THRAP3: variants seen among roughly 807,000 people sequenced by gnomAD.
THRAP3 encodes thyroid hormone receptor-associated protein 3.
A neutral mutation model predicts 101.0 loss-of-function variants in THRAP3; 16 were observed. The observed-to-expected ratio is 0.16, with a 90% CI of 0.11 to 0.24. THRAP3 has a LOEUF of 0.24. THRAP3 is among the 10% of genes least tolerant of loss of function. The probability of loss-of-function intolerance (pLI) is 1.00; values close to 1 mark genes in which losing one functional copy is unlikely to be tolerated. For missense variants in THRAP3, 989 were observed against 1,202.7 expected (o/e 0.82, Z 2.63); for synonymous variants, 407 against 422.6 (o/e 0.96, Z 0.45).
In THRAP3 at chr1:36,282,554, C is replaced by A; in HGVS notation, c.-10C>A. ...TTAGGTGTAATTGAAAAGTGATCCT[C>A]TCTTCAGAGATGTCAAAAACAAACA... On this transcript the variant is annotated 5_prime_UTR_variant, in exon 3 of 12. Coordinates refer to ENST00000354618, the MANE Select transcript of THRAP3 (RefSeq NM_005119.4). 6.2e-7 allele frequency: 1 copy of A among 1,613,230 alleles called. No homozygotes were observed. Among genetic ancestry groups the A allele is most frequent in the Non-Finnish European group, 8.5e-7 (1 of 1,179,536 alleles).
intron 2 of THRAP3, among the ~76,000 whole-genome samples, chr1:36,262,741 C>T (rs971828372): frequency 6.6e-6 from 1 of 151,258 alleles, no homozygotes; most frequent in African/African-American, 2.4e-5. Flanking sequence ...AGTGTTTAGC[C>T]CAAGGCTTTA....
chr1:36,268,342 G>A (rs1259742396), intron 2 of THRAP3, among the ~76,000 whole-genome samples: 2 of 151,990 alleles, frequency 1.3e-5, no homozygotes, highest in South Asian at 4.1e-4. Context: ...ACTAGAAAAG[G>A]AAGAACAGAG....
At chr1:36,262,444 T>C (rs545565881) in intron 2 of THRAP3, among the ~76,000 whole-genome samples, 18 of 152,210 alleles carry the variant, frequency 1.2e-4, no homozygotes, top group Non-Finnish European at 2.6e-4. Context: ...ACACACGTTT[T>C]TTTCCTCCTC....
In THRAP3 at chr1:36,282,631, G is replaced by A. The variant is rs148045717; in HGVS notation, c.68G>A (p.Arg23His). The change falls in exon 3 of 12, where the codon CGT (arginine) becomes CAT (histidine). Residue 23 changes from arginine to histidine, a missense_variant. Physicochemically the swap from Arg to His is conservative, Grantham distance 29. Coordinates refer to ENST00000354618, the MANE Select transcript of THRAP3 (RefSeq NM_005119.4). The stretch of plus-strand genomic sequence containing the variant: ...CGCTCAAGATCTGCATCAAGATCTC[G>A]TTCTCGTTCATTTTCGAAGTCTCGG... ...SSRSRSASRS[R>H]SRSFSKSRSR... The A allele has an allele frequency of 1.1e-5, 17 of 1,613,948 alleles. No individual in the cohort carries two copies. The highest frequency in any genetic ancestry group is 1.6e-4 in the Middle Eastern group (1 of 6,084).
intron 1 of THRAP3, among the ~76,000 whole-genome samples, chr1:36,241,209 A>AC (rs1553192247): frequency 1.3e-5 from 2 of 149,802 alleles, no homozygotes; most frequent in Non-Finnish European, 3.0e-5. Context: ...AAAAAAAAAA[A>AC]GATTTTTACT....
the THRAP3 span, among the ~76,000 whole-genome samples, chr1:36,210,365 C>CA: frequency 0.015 from 744 of 49,246 alleles, 2 homozygotes; most frequent in African/African-American, 0.039. Context: ...GACTCCATCT[C>CA]AAAAAAAAAA....
At chr1:36,262,357 TAATG>T (rs1645457214) in intron 2 of THRAP3, among the ~76,000 whole-genome samples, 1 of 152,356 alleles carries the variant, frequency 6.6e-6, no homozygotes, top group East Asian at 1.9e-4. Flanking sequence ...ATGATTAAGT[TAATG>T]AATGATGGCC....
At chr1:36,240,315 G>A (rs1187683585) in intron 1 of THRAP3, among the ~76,000 whole-genome samples, 1 of 152,174 alleles carries the variant, frequency 6.6e-6, no homozygotes, top group South Asian at 2.1e-4. Context: ...GAAAGGGCCC[G>A]AGAGCCCCTG....
chr1:36,272,379 C>A (rs1426973672), intron 2 of THRAP3, among the ~76,000 whole-genome samples: 1 of 152,118 alleles, frequency 6.6e-6, no homozygotes, highest in Non-Finnish European at 1.5e-5. Context: ...GAGTACATGT[C>A]ATGAAGGGGT....
At chr1:36,297,406 G>A (rs1185676288) in intron 9 of THRAP3, among the ~76,000 whole-genome samples, 1 of 150,672 alleles carries the variant, frequency 6.6e-6, no homozygotes, top group East Asian at 1.9e-4. Context: ...CTGGTAAGAA[G>A]CAACACTTCT....
the THRAP3 span, among the ~76,000 whole-genome samples, chr1:36,216,936 C>A: frequency 6.6e-6 from 1 of 152,196 alleles, no homozygotes; most frequent in Non-Finnish European, 1.5e-5. Flanking sequence ...TTGCACTCAT[C>A]CATTAGTAAT....
At chr1:36,298,631 C>G (rs540879990) in intron 9 of THRAP3, among the ~76,000 whole-genome samples, 2 of 152,108 alleles carry the variant, frequency 1.3e-5, no homozygotes, top group East Asian at 3.9e-4. Flanking sequence ...CTAGGCTGAG[C>G]TAGGAGTACA....
At chr1:36,254,641 AG>A (rs1483837518) in intron 1 of THRAP3, among the ~76,000 whole-genome samples, 1 of 152,200 alleles carries the variant, frequency 6.6e-6, no homozygotes, top group African/African-American at 2.4e-5. Context: ...GTGTGCAAGT[AG>A]CCATATGTAA....
chr1:36,229,424 T>G (rs199661020), intron 1 of THRAP3, among the ~76,000 whole-genome samples: 4 of 24,970 alleles, frequency 1.6e-4, no homozygotes, highest in African/African-American at 4.5e-4. Flanking sequence ...TTTTTTTTTG[T>G]TTTTTTTTTT....
At chr1:36,250,635 G>A (rs1645289051) in intron 1 of THRAP3, among the ~76,000 whole-genome samples, 1 of 151,766 alleles carries the variant, frequency 6.6e-6, no homozygotes, top group Non-Finnish European at 1.5e-5. Flanking sequence ...TTAGAGGCTG[G>A]GCACAGTGGC....
chr1:36,292,003 A>G (rs1162424228), intron 6 of THRAP3, among the ~76,000 whole-genome samples: 1 of 152,068 alleles, frequency 6.6e-6, no homozygotes, highest in East Asian at 1.9e-4. Flanking sequence ...GTTCCATCTG[A>G]ATATAAACTC....
intron 2 of THRAP3, among the ~76,000 whole-genome samples, chr1:36,272,348 C>T (rs886901080): frequency 1.3e-5 from 2 of 152,132 alleles, no homozygotes; most frequent in African/African-American, 4.8e-5. Context: ...TACTTAATAA[C>T]TTGAGAGCCA....
In THRAP3 at chr1:36,282,553, T is replaced by G; in HGVS notation, c.-11T>G. 1 of 1,613,124 alleles carries G rather than the reference T, an allele frequency of 6.2e-7. No homozygotes were observed. Among genetic ancestry groups the G allele is most frequent in the Non-Finnish European group, 8.5e-7 (1 of 1,179,442 alleles). On this transcript the variant is annotated 5_prime_UTR_variant, in exon 3 of 12. Coordinates refer to ENST00000354618, the MANE Select transcript of THRAP3 (RefSeq NM_005119.4). ...ATTAGGTGTAATTGAAAAGTGATCC[T>G]CTCTTCAGAGATGTCAAAAACAAAC...
At chr1:36,297,714 A>G (rs1008907804) in intron 9 of THRAP3, among the ~76,000 whole-genome samples, 3 of 151,256 alleles carry the variant, frequency 2.0e-5, no homozygotes, top group African/African-American at 7.3e-5. Context: ...AAGTGCTAGG[A>G]TTACAGGCAT....
Sources: allele counts gnomAD v4.1 joint callset (sites outside exome capture counted in the v4.1 genomes callset), GRCh38; gene constraint gnomAD v4.1.1; transcripts MANE v1.5; gene names NCBI Gene and HGNC (gene_info 2026-07-23, HGNC 2026-07-21).